Variants in NFAT5 observed in about 807,000 individuals in gnomAD.
NFAT5 encodes nuclear factor of activated T cells 5.
NFAT5 carries 31 observed loss-of-function variants against 166.5 expected under a neutral mutation model. The observed-to-expected ratio is 0.19, with a 90% CI of 0.14 to 0.25. The LOEUF (loss-of-function observed/expected upper bound fraction) is 0.25. Among genes scored for constraint, NFAT5 ranks in the 10% least tolerant of loss-of-function variants. The pLI is 1.00. For missense variants in NFAT5, 1,449 were observed against 1,821.8 expected (o/e 0.80, Z 3.72); for synonymous variants, 612 against 639.7 (o/e 0.96, Z 0.65).
intron 11 of NFAT5, among the ~76,000 whole-genome samples, chr16:69,688,202 CAAAAAAAAAAAA>C (rs1188158260): frequency 4.0e-5 from 2 of 49,526 alleles, no homozygotes; most frequent in Non-Finnish European, 8.4e-5. Flanking sequence ...GACTCCGTCT[CAAAAAAAAAAAA>C]AAAAAAAAAA....
intron 2 of NFAT5, among the ~76,000 whole-genome samples, chr16:69,585,691 C>T (rs776166823): frequency 1.3e-5 from 2 of 152,066 alleles, no homozygotes; most frequent in Non-Finnish European, 2.9e-5. Flanking sequence ...TATGAATGAC[C>T]CTTGAAAACA....
At chr16:69,593,809 T>A (rs1310602182) in intron 2 of NFAT5, among the ~76,000 whole-genome samples, 1 of 152,200 alleles carries the variant, frequency 6.6e-6, no homozygotes, top group East Asian at 1.9e-4. Context: ...TATAAGCTTA[T>A]CAGAATTTTT....
At chr16:69,571,338 T>A (rs1049592522) in intron 2 of NFAT5, among the ~76,000 whole-genome samples, 8 of 149,460 alleles carry the variant, frequency 5.4e-5, no homozygotes, top group African/African-American at 2.0e-4. Context: ...ACAAACAAAA[T>A]AAGAACTCAG....
intron 10 of NFAT5, among the ~76,000 whole-genome samples, chr16:69,684,331 C>T (rs147148287): frequency 0.018 from 2,734 of 147,986 alleles, 87 homozygotes; most frequent in African/African-American, 0.065. Context: ...GAGGCCGAGG[C>T]GGGTGAATCA....
In NFAT5 at chr16:69,692,060, A is replaced by AACT. The variant is rs1420999743; in HGVS notation, c.2235_2236insACT (p.Thr745dup). 2 of 1,614,206 alleles carry AACT rather than the reference A, an allele frequency of 1.2e-6. No homozygotes were observed. On this transcript the variant is annotated inframe_insertion, in exon 13 of 15. Coordinates refer to ENST00000349945, the MANE Select transcript of NFAT5 (RefSeq NM_138713.4). The stretch of plus-strand genomic sequence containing the variant: ...GAGAGATATTACAGTCAGATGGTAC[A>AACT]GTGGTTAATTTGTCACAACTGACTG...
intron 2 of NFAT5, among the ~76,000 whole-genome samples, chr16:69,584,192 C>T (rs1421302888): frequency 6.6e-6 from 1 of 152,028 alleles, no homozygotes; most frequent in Non-Finnish European, 1.5e-5. Context: ...TGCCACTGCA[C>T]TCCAGCCTGG....
rs753241344 is a variant in NFAT5, at chr16:69,628,253, A to C, written c.253+1725A>C. 4.6e-5 allele frequency among the ~76,000 whole-genome samples: 7 copies of C among 152,124 alleles called. No individual in the cohort carries two copies. In the East Asian group the frequency reaches 7.7e-4, roughly 17 times the overall value. ...TTCTCCCCACCACAGTATATTTAAG[A>C]AAAATCTCTCAAGATAAATTACATT... On this transcript the variant is annotated intron_variant, in intron 3 of 14. Transcript: ENST00000349945.
chr16:69,600,128 AAGAC>A (rs776329306), intron 2 of NFAT5, among the ~76,000 whole-genome samples: 6 of 150,622 alleles, frequency 4.0e-5, no homozygotes, highest in Non-Finnish European at 5.9e-5. Flanking sequence ...GAGAAAGAAA[AAGAC>A]AGGATTCATT....
chr16:69,602,945 T>C (rs1025887047), intron 2 of NFAT5, among the ~76,000 whole-genome samples: 2 of 152,072 alleles, frequency 1.3e-5, no homozygotes, highest in African/African-American at 4.8e-5. Flanking sequence ...ATAAATGAAA[T>C]CCTATGTTCC....
chr16:69,566,274 C>A lies in NFAT5; in HGVS notation c.-28C>A. ...CACCGCCGCTCCCCCCCTCCCGCTG[C>A]CCTCGGGCCGGGCTGGGTCGAGCTG... On this transcript the variant is annotated 5_prime_UTR_variant, in exon 1 of 15. Transcript: ENST00000349945. The surrounding 1 kb of genome is among the most constrained non-coding windows in gnomAD (Gnocchi z 5.7). The A allele has an allele frequency of 6.3e-7, 1 of 1,589,010 alleles. No individual in the cohort carries two copies. Among genetic ancestry groups the A allele is most frequent in the Non-Finnish European group, 8.5e-7 (1 of 1,169,944 alleles).
intron 2 of NFAT5, among the ~76,000 whole-genome samples, chr16:69,578,395 C>T (rs2031438731): frequency 6.6e-6 from 1 of 151,924 alleles, no homozygotes; most frequent in Non-Finnish European, 1.5e-5. Context: ...TCAGATGTGC[C>T]CATAGTCATA....
chr16:69,583,014 AT>A (rs1215881171), intron 2 of NFAT5, among the ~76,000 whole-genome samples: 3 of 151,036 alleles, frequency 2.0e-5, no homozygotes, highest in Non-Finnish European at 4.4e-5. Context: ...ATGTCTTTTT[AT>A]TTTTTTTAGA....
chr16:69,645,392 T>C (rs1325521855), intron 3 of NFAT5, among the ~76,000 whole-genome samples: 1 of 152,206 alleles, frequency 6.6e-6, no homozygotes, highest in Admixed American at 6.5e-5. Flanking sequence ...CCTTCACTTA[T>C]GGTAGTTGGG....
chr16:69,573,243 T>A (rs1034581222), intron 2 of NFAT5, among the ~76,000 whole-genome samples: 4 of 152,212 alleles, frequency 2.6e-5, no homozygotes, highest in Non-Finnish European at 5.9e-5. Context: ...ATTTTTTTTT[T>A]ACTACTGCTA....
intron 3 of NFAT5, among the ~76,000 whole-genome samples, chr16:69,630,649 TTGA>T (rs2151588359): frequency 6.6e-6 from 1 of 152,320 alleles, no homozygotes; most frequent in East Asian, 1.9e-4. Flanking sequence ...TCCAAATGAA[TTGA>T]TGACACTTTT....
chr16:69,638,602 G>T (rs1002675231), intron 3 of NFAT5, among the ~76,000 whole-genome samples: 1 of 151,976 alleles, frequency 6.6e-6, no homozygotes, highest in Non-Finnish European at 1.5e-5. Flanking sequence ...CAGAGGTGGT[G>T]GTGGGCGCCT....
At chr16:69,583,735 T>G (rs566918112) in intron 2 of NFAT5, among the ~76,000 whole-genome samples, 1 of 152,266 alleles carries the variant, frequency 6.6e-6, no homozygotes, top group African/African-American at 2.4e-5. Context: ...CTGGCACAAA[T>G]GCTTTGTATT....
chr16:69,670,424 T>A, intron 9 of NFAT5, 136 bp downstream of exon 9: 1 of 573,622 alleles, frequency 1.7e-6, no homozygotes, highest in Non-Finnish European at 3.0e-6. Flanking sequence ...AGTTTCTTTC[T>A]TGAGTTTCTT....
At chr16:69,680,951 G>A (rs552635360) in intron 10 of NFAT5, among the ~76,000 whole-genome samples, 15 of 152,074 alleles carry the variant, frequency 9.9e-5, no homozygotes, top group African/African-American at 3.4e-4. Context: ...GTAGAGACGG[G>A]GTTTCACCAT....
Sources: allele counts gnomAD v4.1 joint callset (sites outside exome capture counted in the v4.1 genomes callset), GRCh38; gene constraint gnomAD v4.1.1; non-coding constraint Gnocchi (gnomAD v3.1); transcripts MANE v1.5; gene names NCBI Gene and HGNC (gene_info 2026-07-23, HGNC 2026-07-21).